Variants in SERPINA9 observed in about 807,000 individuals in gnomAD.
The protein encoded by SERPINA9 is serpin A9.
A neutral mutation model predicts 24.5 loss-of-function variants in SERPINA9; 32 were observed. That is an observed-to-expected ratio of 1.30 (90% confidence interval 0.98 to 1.75). The LOEUF is 1.75. Among genes scored for constraint, SERPINA9 ranks in the 40% most tolerant of loss-of-function variants. SERPINA9 has a pLI of 0.00. For missense variants in SERPINA9, 594 were observed against 497.1 expected, an observed-to-expected ratio of 1.19 and a Z score of -1.85; for synonymous variants, 233 against 197.7, an observed-to-expected ratio of 1.18 and a Z score of -1.50.
In SERPINA9 at chr14:94,476,136, C is replaced by T. The variant is rs267604113; in HGVS notation, c.-18G>A. On this transcript the variant is annotated splice_region_variant and 5_prime_UTR_variant, in exon 1 of 5. Coordinates refer to ENST00000674397, the MANE Select transcript of SERPINA9 (RefSeq NM_175739.4). Reference sequence around the variant, plus strand: ...CTCTCTGCACCTCCTCCTTACCCACCTTTGCAGGTTCCTCTTCTCCTGCCC... The same window carrying T: ...CTCTCTGCACCTCCTCCTTACCCACTTTTGCAGGTTCCTCTTCTCCTGCCC... 1.2e-6 allele frequency: 2 copies of T among 1,614,184 alleles called. No homozygotes were observed. The highest frequency in any genetic ancestry group is 1.7e-6 in the Non-Finnish European group (2 of 1,180,040).
rs148826990 is a variant in SERPINA9 at position 94,476,173 on chromosome 14, G to T, written c.-55C>A. 7.1e-4 allele frequency: 1,145 copies of T among 1,614,120 alleles called. 7 individuals carry two copies. The African/African-American group carries it at 0.014, about 20-fold the overall frequency. On this transcript the variant is annotated 5_prime_UTR_variant, in exon 1 of 5. Coordinates refer to ENST00000674397, the MANE Select transcript of SERPINA9 (RefSeq NM_175739.4). Reference sequence around the variant, plus strand: ...CTCTTCTCCTGCCCTGTCCTTGCATGGTTGGTGAGCCCTGACACTTGCTTA... The same window carrying T: ...CTCTTCTCCTGCCCTGTCCTTGCATTGTTGGTGAGCCCTGACACTTGCTTA...
At chr14:94,467,008 G>A in intron 3 of SERPINA9, 101 bp downstream of exon 3, 1 of 1,341,120 alleles carries the variant, frequency 7.5e-7, no homozygotes, top group South Asian at 1.4e-5. Context: ...TGCTCACTGT[G>A]CAGAAGTGAT....
In SERPINA9 at chr14:94,463,487, C is replaced by T. The variant is rs115049484; in HGVS notation, c.1051-191G>A. On this transcript the variant is annotated intron_variant, in intron 4 of 4. Coordinates refer to ENST00000674397, the MANE Select transcript of SERPINA9 (RefSeq NM_175739.4). ...GACTATGGCCCATTGGTCCTTACAC[C>T]GGGATTGAGATGGTTACAAACACAG... Among the ~76,000 whole-genome samples the T allele has an allele frequency of 1.1e-3, 173 of 152,260 alleles. 1 individual carries two copies. Among genetic ancestry groups the T allele is most frequent in the African/African-American group, 4.0e-3 (168 of 41,544 alleles).
In SERPINA9 at chr14:94,469,538, G is replaced by A; in HGVS notation, c.303C>T (p.Asn101=). 1.2e-6 allele frequency: 2 copies of A among 1,614,186 alleles called. No individual in the cohort carries two copies. Among genetic ancestry groups the A allele is most frequent in the Non-Finnish European group, 1.7e-6 (2 of 1,180,024 alleles). Residue 101 remains asparagine, a synonymous_variant, in exon 2 of 5, where the codon AAC becomes AAT. Coordinates refer to ENST00000674397, the MANE Select transcript of SERPINA9 (RefSeq NM_175739.4). ...TGGCAGACTCTGGTGTGTGTGTGAG[G>A]TTGAAGCCCAGGCCCTGGAGAATCT... is the stretch of plus-strand genomic sequence containing the variant. ...KTQILQGLGF[N]LTHTPESAIH... is the part of the protein sequence containing the mutation.
chr14:94,475,953 C>G (rs1899619103), intron 1 of SERPINA9, 183 bp downstream of exon 1: 1 of 784,864 alleles, frequency 1.3e-6, no homozygotes, highest in Non-Finnish European at 2.1e-6. Flanking sequence ...CCACTCCAGC[C>G]TGGCTTCTGT....
chr14:94,474,436 T>A (rs1899477753), intron 1 of SERPINA9, among the ~76,000 whole-genome samples: 1 of 152,164 alleles, frequency 6.6e-6, no homozygotes, highest in Non-Finnish European at 1.5e-5. Flanking sequence ...AGTCTCTGCT[T>A]TTCACAAGAC....
intron 1 of SERPINA9, among the ~76,000 whole-genome samples, chr14:94,475,703 T>G (rs569787956): frequency 2.6e-5 from 4 of 152,170 alleles, no homozygotes; most frequent in African/African-American, 9.7e-5. Context: ...CTTCCACCTC[T>G]CTTTTCTGCA....
At position 94,469,430 on chromosome 14, in the gene SERPINA9, G is replaced by T. The variant is rs562308083; in HGVS notation, c.411C>A (p.Phe137Leu). The part of the protein sequence containing the change: ...DLTLKMGSAL[F>L]VKKELQLQAN... ...CCTGCAGCTGCAGCTCCTTCTTGACGAAGAGGGCACTTCCCATCTTCAAGG... is the reference window on the plus strand; with the variant it reads ...CCTGCAGCTGCAGCTCCTTCTTGACTAAGAGGGCACTTCCCATCTTCAAGG... Residue 137 changes from phenylalanine to leucine, a missense_variant, in exon 2 of 5, where the codon TTC becomes TTA. By Grantham distance (22) the Phe-to-Leu change is conservative. Transcript: ENST00000674397. 1 of 1,609,158 alleles carries T rather than the reference G, an allele frequency of 6.2e-7. No homozygotes were observed. Among genetic ancestry groups the T allele is most frequent in the East Asian group, 2.2e-5 (1 of 44,890 alleles).
Position 94,464,719 on chromosome 14 carries a change from CA to C in SERPINA9, c.1037del (p.Leu346ArgfsTer30), listed in dbSNP as rs769031908. 6.2e-7 allele frequency: 1 copy of C among 1,613,148 alleles called. No individual in the cohort carries two copies. The highest frequency in any genetic ancestry group is 8.5e-7 in the Non-Finnish European group (1 of 1,179,468). On this transcript the variant is annotated frameshift_variant, in exon 4 of 5. Coordinates refer to ENST00000674397, the MANE Select transcript of SERPINA9 (RefSeq NM_175739.4). LOFTEE classifies it low-confidence loss of function (END_TRUNC). ...TCATTCAACTCACTTTAGAAACCTG[CA>C]GGGAGTCTCTCTTTGCAATTCCAGA... is the stretch of plus-strand genomic sequence containing the variant. Reference protein sequence around the residue: ...DFSGIAKRDSLQVSKATHKAV... With the variant: ...DFSGIAKRDSXQVSKATHKAV...
At chr14:94,474,416 A>G (rs552950704) in intron 1 of SERPINA9, among the ~76,000 whole-genome samples, 2 of 152,160 alleles carry the variant, frequency 1.3e-5, no homozygotes, top group African/African-American at 4.8e-5. Flanking sequence ...CCTCCATGTG[A>G]CTTCAGGTAA....
At chr14:94,475,093 G>A (rs1053224498) in intron 1 of SERPINA9, among the ~76,000 whole-genome samples, 1 of 152,122 alleles carries the variant, frequency 6.6e-6, no homozygotes, top group East Asian at 2.0e-4. Flanking sequence ...GGTGTCAAGG[G>A]CTTCATTTTA....
Position 94,464,863 on chromosome 14 carries a change from T to G in SERPINA9, c.903-9A>C, listed in dbSNP as rs1251558036. On this transcript the variant is annotated splice_polypyrimidine_tract_variant and intron_variant, in intron 3 of 4. Coordinates refer to ENST00000674397, the MANE Select transcript of SERPINA9 (RefSeq NM_175739.4). ...TGAACACCTCTATCCACCTGTGGAG[T>G]AGGGAAAAGGAAACAATGAGGTCAC... is the stretch of plus-strand genomic sequence containing the variant. The G allele has an allele frequency of 6.2e-7, 1 of 1,606,464 alleles. No individual in the cohort carries two copies. Among genetic ancestry groups the G allele is most frequent in the Non-Finnish European group, 8.5e-7 (1 of 1,177,212 alleles).
In SERPINA9 at chr14:94,467,375, C is replaced by G. The variant is rs189300483; in HGVS notation, c.636G>C (p.Trp212Cys). 3.4e-5 allele frequency: 54 copies of G among 1,604,226 alleles called. No homozygotes were observed. The highest frequency in any genetic ancestry group is 3.3e-4 in the Middle Eastern group (2 of 6,036). ...TATATTCAGGGTGAAAGGGCTTCTCCCACTTGGCTAGCACAAAGAGAGAAA... is the reference window on the plus strand; with the variant it reads ...TATATTCAGGGTGAAAGGGCTTCTCGCACTTGGCTAGCACAAAGAGAGAAA... The part of the protein sequence containing the change: ...LVNHIFFKAK[W>C]EKPFHPEYTR... The change falls in exon 3 of 5, where the codon TGG becomes TGC. Residue 212 changes from tryptophan to cysteine, a missense_variant. By Grantham distance (215) the Trp-to-Cys change is radical. Transcript: ENST00000674397.
chr14:94,474,987 G>T (rs74696650), intron 1 of SERPINA9, among the ~76,000 whole-genome samples: 13,661 of 152,084 alleles, frequency 0.09, 759 homozygotes, highest in Middle Eastern at 0.19. Context: ...ATTGGGCCCT[G>T]ACTCACCTCC....
Position 94,469,563 on chromosome 14 carries a change from TG to T in SERPINA9, c.277del (p.Gln93ArgfsTer29). 6.2e-7 allele frequency: 1 copy of T among 1,614,084 alleles called. No homozygotes were observed. Among genetic ancestry groups the T allele is most frequent in the South Asian group, 1.1e-5 (1 of 91,066 alleles). On this transcript the variant is annotated frameshift_variant, in exon 2 of 5. Coordinates refer to ENST00000674397, the MANE Select transcript of SERPINA9 (RefSeq NM_175739.4). LOFTEE classifies it high-confidence loss of function. ...SLGAHSVTKT[Q>X]ILQGLGFNLT... ...GTTGAAGCCCAGGCCCTGGAGAATC[TG>T]GGTCTTGGTGACTGAGTGGGCCCCA...
intron 3 of SERPINA9, 59 bp from the exon 4 acceptor site, chr14:94,464,913 C>A: frequency 7.1e-7 from 1 of 1,418,080 alleles, no homozygotes; most frequent in Non-Finnish European, 9.6e-7. Context: ...TGCATCTCTG[C>A]TCCTAGATGC....
At chr14:94,475,803 C>T (rs1899601828) in intron 1 of SERPINA9, 1 of 420,438 alleles carries the variant, frequency 2.4e-6, no homozygotes. Context: ...AACAACGACA[C>T]AACAACAAAA....
At chr14:94,465,398 T>G (rs1454189761) in intron 3 of SERPINA9, among the ~76,000 whole-genome samples, 1 of 152,246 alleles carries the variant, frequency 6.6e-6, no homozygotes, top group Non-Finnish European at 1.5e-5. Context: ...ACATTTCAGT[T>G]AACTTAAGTG....
At chr14:94,466,564 C>T (rs981734925) in intron 3 of SERPINA9, among the ~76,000 whole-genome samples, 1 of 152,136 alleles carries the variant, frequency 6.6e-6, no homozygotes, top group African/African-American at 2.4e-5. Context: ...AATCTTTTTG[C>T]TATTCTCCAT....
Sources: gnomAD v4.1 joint callset for allele counts (sites outside exome capture counted in the v4.1 genomes callset) on GRCh38, gnomAD v4.1.1 for gene constraint, MANE v1.5 for transcripts, NCBI Gene and HGNC (gene_info 2026-07-23, HGNC 2026-07-21) for gene names.